The following RANBP3 variants were observed in gnomAD, a reference collection of about 807,000 sequenced individuals.
RANBP3 encodes the protein RAN binding protein 3, also known as ran-binding protein 3.
Under a neutral mutation model 77.3 loss-of-function variants are expected in RANBP3, and 14 were observed. The ratio of observed to expected loss-of-function variants is 0.18; its 90% confidence interval spans 0.12 to 0.28. RANBP3 has a LOEUF of 0.28. Among genes scored for constraint, RANBP3 ranks in the 10% least tolerant of loss-of-function variants. The pLI is 1.00. For missense variants in RANBP3, 586 were observed against 752.3 expected (o/e 0.78, Z 2.59); for synonymous variants, 315 against 312.4 (o/e 1.01, Z -0.09).
chr19:5,917,845 C>G lies in RANBP3; in HGVS notation c.1609G>C (p.Asp537His), dbSNP rs770245461. The change falls in exon 16 of 17, where the codon GAC (aspartate) becomes CAC (histidine). Residue 537 changes from aspartate to histidine, a missense_variant. Asp to His is a moderately conservative substitution (Grantham distance 81). Transcript: ENST00000340578. ...AGGACATCGTCATCGTCGCTGTCGTCCTCCTCGTTGGATGGGGCTGCCCCA... is the reference window on the plus strand; with the variant it reads ...AGGACATCGTCATCGTCGCTGTCGTGCTCCTCGTTGGATGGGGCTGCCCCA... ...EPGAAPSNEE[D>H]DSDDDDVLAP... 6 of 1,612,850 alleles carry G rather than the reference C, an allele frequency of 3.7e-6. No individual in the cohort carries two copies. The Admixed American group carries it at 1.0e-4, about 27-fold the overall frequency.
intron 3 of RANBP3, among the ~76,000 whole-genome samples, chr19:5,945,889 T>G (rs1420832390): frequency 6.6e-6 from 1 of 151,776 alleles, no homozygotes; most frequent in Non-Finnish European, 1.5e-5. Context: ...CATTCTGCAC[T>G]CATCCTCCCC....
At chr19:5,928,645 G>T (rs1049630895) in intron 8 of RANBP3, among the ~76,000 whole-genome samples, 1 of 152,080 alleles carries the variant, frequency 6.6e-6, no homozygotes, top group Non-Finnish European at 1.5e-5. Context: ...AGGAAAATAA[G>T]TCGGGAGAGA....
chr19:5,947,941 GT>G (rs2058228148), intron 3 of RANBP3, among the ~76,000 whole-genome samples: 1 of 152,206 alleles, frequency 6.6e-6, no homozygotes, highest in African/African-American at 2.4e-5. Flanking sequence ...GAAAATCATG[GT>G]TGTCACATTT....
intron 9 of RANBP3, among the ~76,000 whole-genome samples, chr19:5,927,730 G>A (rs2057931397): frequency 2.0e-5 from 3 of 152,206 alleles, no homozygotes; most frequent in Non-Finnish European, 4.4e-5. Context: ...CAGGGACCCT[G>A]ACTTGAGAAG....
At chr19:5,923,340 T>C (rs770964876) in intron 12 of RANBP3, 37 bp from the exon 13 acceptor site, 2 of 1,592,992 alleles carry the variant, frequency 1.3e-6, no homozygotes, top group Admixed American at 3.3e-5. Context: ...GACTGATTAT[T>C]TGGCGAGAGG....
At chr19:5,964,069 C>T (rs867743864) in intron 1 of RANBP3, among the ~76,000 whole-genome samples, 2 of 152,186 alleles carry the variant, frequency 1.3e-5, no homozygotes, top group Non-Finnish European at 2.9e-5. Flanking sequence ...TCCGGGCCCA[C>T]GGTGCTGGCT....
intron 12 of RANBP3, 58 bp from the exon 13 acceptor site, chr19:5,923,361 C>T: frequency 6.5e-7 from 1 of 1,527,984 alleles, no homozygotes. Flanking sequence ...AGAGCCATCT[C>T]CCCTCATCCG....
At position 5,924,860 on chromosome 19, in the gene RANBP3, A is replaced by T. The variant is rs749214257; in HGVS notation, c.963T>A (p.Phe321Leu). The change falls in exon 11 of 17, where the codon TTT becomes TTA. Residue 321 changes from phenylalanine to leucine, a missense_variant. Coordinates refer to ENST00000340578, the MANE Select transcript of RANBP3 (RefSeq NM_007322.3). This position sits in a 1 kb window ranked among gnomAD's most constrained non-coding sequence, Gnocchi z 4.7. ...GCTCGCTCATGTTCTGGCCAAATACAAATTTGTTGCTGGAGGCGTCGGCAC... is the reference window on the plus strand; with the variant it reads ...GCTCGCTCATGTTCTGGCCAAATACTAATTTGTTGCTGGAGGCGTCGGCAC... ...TNSADASSNK[F>L]VFGQNMSERV... 1 of 1,614,168 alleles carries T rather than the reference A, an allele frequency of 6.2e-7. No individual in the cohort carries two copies. Among genetic ancestry groups the T allele is most frequent in the South Asian group, 1.1e-5 (1 of 91,088 alleles).
At chr19:5,918,394 C>A in intron 15 of RANBP3, 102 bp downstream of exon 15, 1 of 220,128 alleles carries the variant, frequency 4.5e-6, no homozygotes. Flanking sequence ...TGAAGCCCCT[C>A]CCCCCTCCCC....
At chr19:5,922,939 C>CA (rs1568446471) in intron 13 of RANBP3, among the ~76,000 whole-genome samples, 2 of 151,978 alleles carry the variant, frequency 1.3e-5, no homozygotes, top group African/African-American at 2.4e-5. Context: ...GACATTGTCT[C>CA]AAAAAAAATT....
At chr19:5,920,293 G>A (rs1225574287) in intron 14 of RANBP3, among the ~76,000 whole-genome samples, 1 of 152,158 alleles carries the variant, frequency 6.6e-6, no homozygotes, top group Non-Finnish European at 1.5e-5. Context: ...CAGCTACTCA[G>A]GAGGCTGAGG....
At chr19:5,928,461 T>C (rs1414251941) in intron 8 of RANBP3, 5 of 147,836 alleles carry the variant, frequency 3.4e-5, no homozygotes, top group Admixed American at 6.8e-5. Flanking sequence ...AGCACAGCTA[T>C]TACCACCGAG....
At chr19:5,932,403 C>T (rs761219760) in intron 7 of RANBP3, 49 bp downstream of exon 7, 17 of 1,515,166 alleles carry the variant, frequency 1.1e-5, no homozygotes, top group South Asian at 2.3e-5. Context: ...ACTTCGGGAA[C>T]GCTCTACCCT....
At chr19:5,951,367 G>C (rs1448447026) in intron 3 of RANBP3, 26 bp downstream of exon 3, 6 of 1,543,792 alleles carry the variant, frequency 3.9e-6, no homozygotes, top group African/African-American at 1.4e-5. Flanking sequence ...CTGGGCGGTA[G>C]GAGTGCCGGG....
intron 3 of RANBP3, among the ~76,000 whole-genome samples, chr19:5,948,314 T>C (rs1599763843): frequency 6.6e-6 from 1 of 152,186 alleles, no homozygotes; most frequent in Admixed American, 6.5e-5. Flanking sequence ...TAGCTGGGCA[T>C]GGTGGCGGGC....
chr19:5,923,133 G>A, intron 13 of RANBP3, 61 bp downstream of exon 13: 1 of 1,340,912 alleles, frequency 7.5e-7, no homozygotes, highest in Non-Finnish European at 1.1e-6. Context: ...CCCAGCCCTT[G>A]CGGTTGGACC....
intron 1 of RANBP3, chr19:5,965,673 G>C (rs1336646755): frequency 6.6e-6 from 1 of 152,194 alleles, no homozygotes; most frequent in Non-Finnish European, 1.5e-5. Flanking sequence ...GGTGGCCCAG[G>C]GGAGAAAGGT....
intron 5 of RANBP3, among the ~76,000 whole-genome samples, chr19:5,940,157 G>A (rs1218783198): frequency 6.6e-6 from 1 of 152,214 alleles, no homozygotes; most frequent in African/African-American, 2.4e-5. Context: ...AGTGTCTCTT[G>A]GGGGCTGCTG....
At chr19:5,975,995 G>T (rs1388061291) in intron 1 of RANBP3, among the ~76,000 whole-genome samples, 1 of 152,170 alleles carries the variant, frequency 6.6e-6, no homozygotes, top group Non-Finnish European at 1.5e-5. Context: ...TCTCAGATGG[G>T]TAAGGGTGGA....
Sources: gnomAD v4.1 joint callset for allele counts (sites outside exome capture counted in the v4.1 genomes callset) on GRCh38, gnomAD v4.1.1 for gene constraint, Gnocchi (gnomAD v3.1) non-coding constraint, MANE v1.5 for transcripts, NCBI Gene and HGNC (gene_info 2026-07-23, HGNC 2026-07-21) for gene names.